Variants in FAM161A observed in about 807,000 individuals in gnomAD.
FAM161A encodes FAM161 centrosomal protein A.
In FAM161A, 57 loss-of-function variants were observed where a neutral mutation model predicts 70.9. The observed-to-expected ratio is 0.80, with a 90% confidence interval of 0.65 to 1.00. The LOEUF is 1.00. FAM161A is among the 50% of genes least tolerant of loss of function. FAM161A has a pLI of 0.00. For missense variants in FAM161A, 880 were observed against 836.0 expected (o/e 1.05, Z -0.65); for synonymous variants, 299 against 295.7 (o/e 1.01, Z -0.12).
intron 5 of FAM161A, among the ~76,000 whole-genome samples, chr2:61,834,758 C>T (rs1227356276): frequency 4.6e-5 from 7 of 151,932 alleles, no homozygotes; most frequent in Non-Finnish European, 8.8e-5. Flanking sequence ...TGAGCCACGG[C>T]GCCTGGCATA....
chr2:61,843,709 G>A (rs1032584545), intron 1 of FAM161A, among the ~76,000 whole-genome samples: 1 of 152,176 alleles, frequency 6.6e-6, no homozygotes, highest in Non-Finnish European at 1.5e-5. Context: ...ATTATAAATA[G>A]TAGTTATAGA....
rs912674791 is a variant in FAM161A, at chr2:61,846,817, A to G, written c.184-4457T>C. The G allele has an allele frequency of 1.7e-5, 7 of 400,700 alleles. No individual in the cohort carries two copies. The Admixed American group carries it at 1.9e-4, about 11-fold the overall frequency. The allele number at this position is 400,700 out of a possible 1,614,324, so 24.8% of individuals were successfully genotyped here. On this transcript the variant is annotated intron_variant, in intron 1 of 6. Coordinates refer to ENST00000404929, the MANE Select transcript of FAM161A (RefSeq NM_001201543.2). Reference sequence around the variant, plus strand: ...GGCTTGTGTCAGTCTAGCAACGGTTATTCATCTGGGCAGCAGCAGTTCGTT... The same window carrying G: ...GGCTTGTGTCAGTCTAGCAACGGTTGTTCATCTGGGCAGCAGCAGTTCGTT...
chr2:61,836,273 C>T, intron 4 of FAM161A, 164 bp from the exon 5 acceptor site: 2 of 618,180 alleles, frequency 3.2e-6, no homozygotes, highest in Non-Finnish European at 5.8e-6. Context: ...TCACAGTTTA[C>T]CTCGATTCCT....
intron 5 of FAM161A, among the ~76,000 whole-genome samples, chr2:61,833,621 C>T (rs1420654740): frequency 1.3e-5 from 2 of 151,988 alleles, no homozygotes; most frequent in Non-Finnish European, 2.9e-5. Context: ...TCCTCACCTA[C>T]CATATCAATA....
chr2:61,839,249 T>C (rs966549214), intron 3 of FAM161A, among the ~76,000 whole-genome samples, 172 bp downstream of exon 3: 4 of 150,446 alleles, frequency 2.7e-5, no homozygotes, highest in African/African-American at 9.8e-5. Flanking sequence ...GAAAAATATA[T>C]TCATTTCTTA....
the FAM161A span, among the ~76,000 whole-genome samples, chr2:61,809,413 C>A: frequency 1.3e-5 from 2 of 152,200 alleles, no homozygotes; most frequent in African/African-American, 4.8e-5. Context: ...AATTGAGTAT[C>A]TCCAGTCCAG....
intron 1 of FAM161A, among the ~76,000 whole-genome samples, chr2:61,853,649 C>T (rs1673573822): frequency 1.3e-5 from 2 of 152,174 alleles, no homozygotes; most frequent in Admixed American, 6.5e-5. Context: ...TTACAACAGA[C>T]TGGTGAAAAT....
the FAM161A span, among the ~76,000 whole-genome samples, chr2:61,810,513 C>G: frequency 7.7e-6 from 1 of 129,836 alleles, no homozygotes; most frequent in African/African-American, 3.0e-5. Context: ...GGCTGGAGTG[C>G]AATGGTGTGA....
At chr2:61,827,371 G>GATTAC in intron 5 of FAM161A, 113 bp from the exon 6 acceptor site, 1 of 1,009,732 alleles carries the variant, frequency 9.9e-7, no homozygotes, top group Non-Finnish European at 1.5e-6. Flanking sequence ...AGTGCTTTGG[G>GATTAC]AGGCCGAGAC....
chr2:61,813,718 C>CA, the FAM161A span, among the ~76,000 whole-genome samples: 33,246 of 86,602 alleles, frequency 0.38, 4,668 homozygotes, highest in East Asian at 0.43. Context: ...GACCCTGTCT[C>CA]AAAAAAAAAA....
At chr2:61,846,940 G>C (rs1673236969) in intron 1 of FAM161A, 2 of 454,538 alleles carry the variant, frequency 4.4e-6, no homozygotes, top group African/African-American at 2.0e-5. Context: ...CAGCACTTTG[G>C]GTCACTTGAG....
chr2:61,852,255 C>G (rs950484131), intron 1 of FAM161A, among the ~76,000 whole-genome samples: 1 of 151,902 alleles, frequency 6.6e-6, no homozygotes, highest in Non-Finnish European at 1.5e-5. Context: ...ATAACAGTTT[C>G]TAACACAAAT....
At chr2:61,828,243 A>G (rs1379288673) in intron 5 of FAM161A, among the ~76,000 whole-genome samples, 1 of 151,170 alleles carries the variant, frequency 6.6e-6, no homozygotes, top group Non-Finnish European at 1.5e-5. Flanking sequence ...TTTATATTGT[A>G]CCTAGGTTTT....
chr2:61,840,250 T>C lies in FAM161A; in HGVS notation c.754A>G (p.Lys252Glu). Residue 252 changes from lysine to glutamate, a missense_variant, in exon 3 of 7, where the codon AAA (lysine) becomes GAA (glutamate). Lys to Glu is a moderately conservative substitution (Grantham distance 56). Coordinates refer to ENST00000404929, the MANE Select transcript of FAM161A (RefSeq NM_001201543.2). ...FQMMIREQKK[K>E]EESMKSKSDI... Reference sequence around the variant, plus strand: ...GATTTAGATTTCATGGACTCTTCTTTTTTCTTCTGTTCTCTTATCATCATT... The same window carrying C: ...GATTTAGATTTCATGGACTCTTCTTCTTTCTTCTGTTCTCTTATCATCATT... 6.2e-7 allele frequency: 1 copy of C among 1,614,056 alleles called. No homozygotes were observed. Among genetic ancestry groups the C allele is most frequent in the South Asian group, 1.1e-5 (1 of 91,050 alleles).
At chr2:61,849,547 G>A (rs1034813875) in intron 1 of FAM161A, among the ~76,000 whole-genome samples, 1 of 151,942 alleles carries the variant, frequency 6.6e-6, no homozygotes, top group Admixed American at 6.6e-5. Context: ...CACTTTGGGA[G>A]GTCAAGGCTG....
chr2:61,820,480 T>G, downstream of FAM161A: 1 of 755,338 alleles, frequency 1.3e-6, no homozygotes, highest in South Asian at 1.3e-5. Context: ...AAGAGAAGGT[T>G]CTCAAAGACC....
At chr2:61,842,783 A>G (rs1427677814) in intron 1 of FAM161A, among the ~76,000 whole-genome samples, 1 of 152,212 alleles carries the variant, frequency 6.6e-6, no homozygotes, top group African/African-American at 2.4e-5. Context: ...CTCTCCCTCC[A>G]GCTGCGCTCC....
At chr2:61,850,393 T>C (rs1447644200) in intron 1 of FAM161A, among the ~76,000 whole-genome samples, 1 of 151,904 alleles carries the variant, frequency 6.6e-6, no homozygotes, top group Non-Finnish European at 1.5e-5. Flanking sequence ...TAAAACTCCA[T>C]CTCAAAAAAA....
intron 1 of FAM161A, among the ~76,000 whole-genome samples, chr2:61,849,452 C>A (rs1049104164): frequency 1.3e-5 from 2 of 151,224 alleles, no homozygotes; most frequent in Non-Finnish European, 2.9e-5. Flanking sequence ...CCACCCTGGG[C>A]AACATAGTGA....
Sources: allele counts gnomAD v4.1 joint callset (sites outside exome capture counted in the v4.1 genomes callset), GRCh38; gene constraint gnomAD v4.1.1; transcripts MANE v1.5; gene names NCBI Gene and HGNC (gene_info 2026-07-23, HGNC 2026-07-21).